NFATC3: variants seen among roughly 807,000 people sequenced by gnomAD.
The protein encoded by NFATC3 is nuclear factor of activated T-cells, cytoplasmic 3.
In NFATC3, 46 loss-of-function variants were observed where a neutral mutation model predicts 98.6. That is an observed-to-expected ratio of 0.47 (90% CI 0.37 to 0.60). NFATC3 has a LOEUF of 0.60. Among genes scored for constraint, NFATC3 ranks in the 20% least tolerant of loss-of-function variants. NFATC3 has a pLI of 0.00. For missense variants in NFATC3, 1,256 were observed against 1,295.5 expected (o/e 0.97, Z 0.47); for synonymous variants, 512 against 472.2 (o/e 1.08, Z -1.09).
At chr16:68,093,919 T>C (rs1027587237) in intron 1 of NFATC3, among the ~76,000 whole-genome samples, 4 of 152,126 alleles carry the variant, frequency 2.6e-5, no homozygotes, top group African/African-American at 4.8e-5. Flanking sequence ...ATCAAACATA[T>C]ATGAGTCATG....
intron 9 of NFATC3, among the ~76,000 whole-genome samples, chr16:68,218,926 T>G (rs2041746425): frequency 6.6e-6 from 1 of 151,912 alleles, no homozygotes; most frequent in Non-Finnish European, 1.5e-5. Flanking sequence ...TTAAAATACA[T>G]TTAGTCTTTA....
chr16:68,121,866 A>G (rs566160999), intron 1 of NFATC3, 121 bp from the exon 2 acceptor site: 1 of 1,186,504 alleles, frequency 8.4e-7, no homozygotes, highest in South Asian at 1.6e-5. Flanking sequence ...CATACATTTT[A>G]TATCCCACTT....
At chr16:68,116,898 A>G (rs914779741) in intron 1 of NFATC3, among the ~76,000 whole-genome samples, 2 of 152,122 alleles carry the variant, frequency 1.3e-5, no homozygotes, top group African/African-American at 4.8e-5. Context: ...GTTTGAAAAT[A>G]AGCAGTACGA....
chr16:68,226,242 T>C, intron 9 of NFATC3, 108 bp from the exon 10 acceptor site: 1 of 1,358,414 alleles, frequency 7.4e-7, no homozygotes, highest in Non-Finnish European at 9.8e-7. Context: ...CCTTTATCTT[T>C]ACAGAAAGCC....
chr16:68,196,038 G>A (rs1315015705), intron 9 of NFATC3, among the ~76,000 whole-genome samples: 2 of 151,492 alleles, frequency 1.3e-5, no homozygotes, highest in Non-Finnish European at 1.5e-5. Flanking sequence ...TTGTTAAAAC[G>A]CACTTCTGAA....
chr16:68,155,487 T>C (rs553549155), intron 3 of NFATC3, among the ~76,000 whole-genome samples: 144 of 152,262 alleles, frequency 9.5e-4, no homozygotes, highest in African/African-American at 3.4e-3. Context: ...AGAGAACTCC[T>C]CATAGATTAA....
intron 3 of NFATC3, among the ~76,000 whole-genome samples, chr16:68,135,187 G>A (rs1056961877): frequency 2.0e-5 from 3 of 151,888 alleles, no homozygotes; most frequent in African/African-American, 4.8e-5. Context: ...GGCCGGGCGC[G>A]GTGGCTCACG....
chr16:68,126,697 A>G, intron 3 of NFATC3, 87 bp downstream of exon 3: 1 of 1,345,488 alleles, frequency 7.4e-7, no homozygotes, highest in Non-Finnish European at 1.0e-6. Context: ...TAGAGAGTGC[A>G]AAGAGCATAA....
intron 4 of NFATC3, among the ~76,000 whole-genome samples, chr16:68,164,897 A>G (rs949381136): frequency 6.6e-6 from 1 of 152,208 alleles, no homozygotes; most frequent in African/African-American, 2.4e-5. Context: ...TTAAAAAACA[A>G]TTTAAAAAAA....
chr16:68,162,961 G>A (rs865803416), intron 4 of NFATC3, among the ~76,000 whole-genome samples: 6 of 151,486 alleles, frequency 4.0e-5, no homozygotes, highest in African/African-American at 4.9e-5. Flanking sequence ...CAACGAGCAC[G>A]CTGCCTTCAA....
chr16:68,098,945 TTACTC>T (rs2035190982), intron 1 of NFATC3, among the ~76,000 whole-genome samples: 1 of 152,236 alleles, frequency 6.6e-6, no homozygotes, highest in Non-Finnish European at 1.5e-5. Context: ...TGGGTACCCT[TTACTC>T]AGTTTCTCCC....
intron 9 of NFATC3, among the ~76,000 whole-genome samples, chr16:68,213,358 C>T (rs1446217832): frequency 1.3e-5 from 2 of 149,774 alleles, no homozygotes; most frequent in Admixed American, 6.6e-5. Flanking sequence ...GAGCTTGCAG[C>T]GAGCCAAGAT....
In NFATC3 at chr16:68,126,467, C is replaced by G. The variant is rs776774816; in HGVS notation, c.1258C>G (p.Leu420Val). The G allele has an allele frequency of 1.9e-6, 3 of 1,613,626 alleles. No homozygotes were observed. Among genetic ancestry groups the G allele is most frequent in the African/African-American group, 2.7e-5 (2 of 74,926 alleles). The change falls in exon 3 of 10, where the codon CTA becomes GTA. Residue 420 changes from leucine to valine, a missense_variant. Coordinates refer to ENST00000346183, the MANE Select transcript of NFATC3 (RefSeq NM_173165.3). ...PIFRTSSLPP[L>V]DWPLPAHFGQ... ...TTGTAGCACATCTTCATTACCTCCA[C>G]TAGACTGGCCTTTACCAGCTCATTT...
At chr16:68,099,563 T>A (rs1259126272) in intron 1 of NFATC3, among the ~76,000 whole-genome samples, 3 of 151,576 alleles carry the variant, frequency 2.0e-5, no homozygotes, top group Admixed American at 6.6e-5. Flanking sequence ...ATTGGGCCAT[T>A]TCACTCCAGC....
At chr16:68,111,887 A>C (rs2035964082) in intron 1 of NFATC3, among the ~76,000 whole-genome samples, 1 of 152,158 alleles carries the variant, frequency 6.6e-6, no homozygotes, top group South Asian at 2.1e-4. Context: ...TACGAAGCTT[A>C]ATTTGTCCGG....
At position 68,096,328 on chromosome 16, in the gene NFATC3, T is replaced by G. The variant is rs1357096738; in HGVS notation, c.103+10544T>G. Among the ~76,000 whole-genome samples, 4 of 152,162 alleles carry G rather than the reference T, an allele frequency of 2.6e-5. No individual in the cohort carries two copies. The East Asian group carries it at 7.7e-4, about 29-fold the overall frequency. ...GAAGGCTCATCTGAAAGAAACTAGC[T>G]GTTGTTAAAGGATAAAATAGAAGAA... On this transcript the variant is annotated intron_variant, in intron 1 of 9. Coordinates refer to ENST00000346183, the MANE Select transcript of NFATC3 (RefSeq NM_173165.3).
chr16:68,222,897 T>G (rs2041920320), intron 9 of NFATC3, among the ~76,000 whole-genome samples: 1 of 152,206 alleles, frequency 6.6e-6, no homozygotes, highest in Non-Finnish European at 1.5e-5. Flanking sequence ...AGCACAAGAC[T>G]AGCTCGTAGA....
chr16:68,123,226 T>G, intron 2 of NFATC3, 105 bp downstream of exon 2: 2 of 1,185,384 alleles, frequency 1.7e-6, no homozygotes, highest in Non-Finnish European at 2.2e-6. Flanking sequence ...GTTTGACCAT[T>G]TCTCCTCTTC....
At chr16:68,087,586 CCTT>C (rs1567489771) in intron 1 of NFATC3, among the ~76,000 whole-genome samples, 1 of 151,974 alleles carries the variant, frequency 6.6e-6, no homozygotes, top group East Asian at 1.9e-4. Context: ...AAAAAACAAA[CCTT>C]CTTAAAGTGA....
Sources: gnomAD v4.1 joint callset for allele counts (sites outside exome capture counted in the v4.1 genomes callset) on GRCh38, gnomAD v4.1.1 for gene constraint, MANE v1.5 for transcripts, NCBI Gene and HGNC (gene_info 2026-07-23, HGNC 2026-07-21) for gene names.